The following FOXJ2 variants were observed in gnomAD, a reference collection of about 807,000 sequenced individuals.
FOXJ2 encodes forkhead box protein J2.
In FOXJ2, 18 loss-of-function variants were observed where a neutral mutation model predicts 68.4. That is an observed-to-expected ratio of 0.26 (90% CI 0.18 to 0.39). The LOEUF (loss-of-function observed/expected upper bound fraction) is 0.39, where lower values mean the gene tolerates loss of function less well. FOXJ2 is among the 10% of genes least tolerant of loss of function. The pLI, the probability that FOXJ2 is intolerant of heterozygous loss-of-function variation, is 1.00. For missense variants in FOXJ2, 670 were observed against 726.5 expected, an observed-to-expected ratio of 0.92 and a Z score of 0.89; for synonymous variants, 274 against 263.2, an observed-to-expected ratio of 1.04 and a Z score of -0.40.
intron 1 of FOXJ2, among the ~76,000 whole-genome samples, chr12:8,037,120 A>G (rs1272067026): frequency 6.6e-6 from 1 of 152,128 alleles, no homozygotes; most frequent in East Asian, 1.9e-4. Context: ...AACAAAAACA[A>G]AAAACACTTC....
chr12:8,048,873 G>A, intron 8 of FOXJ2, 75 bp downstream of exon 8: 1 of 1,234,048 alleles, frequency 8.1e-7, no homozygotes. Flanking sequence ...AACCGGAAGG[G>A]GGTGGTTAAA....
At position 8,043,664 on chromosome 12, in the gene FOXJ2, C is replaced by T. The variant is rs368536023; in HGVS notation, c.409-37C>T. The T allele has an allele frequency of 4.6e-5, 74 of 1,609,518 alleles. No individual in the cohort carries two copies. In the Admixed American group the frequency reaches 8.0e-4, roughly 17 times the overall value. On this transcript the variant is annotated intron_variant, in intron 3 of 10. Transcript: ENST00000162391. Reference sequence around the variant, plus strand: ...GAACCCTGGGAGGTTCTGAATGTAACAATTTTGTTTTCTGTGGGAATGGGA... The same window carrying T: ...GAACCCTGGGAGGTTCTGAATGTAATAATTTTGTTTTCTGTGGGAATGGGA...
rs753040233 is a variant in FOXJ2, at chr12:8,044,763, A to G, written c.622A>G (p.Thr208Ala). Residue 208 changes from threonine to alanine, a missense_variant, in exon 6 of 11, where the codon ACA becomes GCA. Coordinates refer to ENST00000162391, the MANE Select transcript of FOXJ2 (RefSeq NM_018416.3). ...AATTTCTTACCTGTTTTTGCAGGGC[A>G]CAGGATCTGTGGATGGTGGAGCAGT... ...PTSIASYSQG[T>A]GSVDGGAVAA... is the part of the protein sequence containing the mutation. 6.2e-7 allele frequency: 1 copy of G among 1,613,762 alleles called. No homozygotes were observed. The highest frequency in any genetic ancestry group is 1.1e-5 in the South Asian group (1 of 91,064).
At position 8,052,770 on chromosome 12, in the gene FOXJ2, A is replaced by G. The variant is rs1647823176; in HGVS notation, c.1645A>G (p.Met549Val). The G allele has an allele frequency of 1.2e-6, 2 of 1,609,084 alleles. No individual in the cohort carries two copies. The highest frequency in any genetic ancestry group is 1.7e-6 in the Non-Finnish European group (2 of 1,177,406). ...SAGYNRPAHH[M>V]VPRPSVPPPG... ...TTCTTTCTTTCTAACAGCACACCATATGGTCCCTCGGCCATCAGTGCCACC... is the reference window on the plus strand; with the variant it reads ...TTCTTTCTTTCTAACAGCACACCATGTGGTCCCTCGGCCATCAGTGCCACC... The change falls in exon 11 of 11, where the codon ATG becomes GTG. Residue 549 changes from methionine to valine, a missense_variant. Met to Val is a conservative substitution (Grantham distance 21, BLOSUM62 1). Transcript: ENST00000162391.
intron 6 of FOXJ2, 49 bp downstream of exon 6, chr12:8,045,007 A>T (rs1351610884): frequency 1.3e-6 from 2 of 1,529,396 alleles, no homozygotes; most frequent in Non-Finnish European, 1.8e-6. Flanking sequence ...TATCTTGTTG[A>T]ACAAGTGGGG....
At chr12:8,048,594 CTG>C in intron 7 of FOXJ2, 101 bp from the exon 8 acceptor site, 1 of 1,253,176 alleles carries the variant, frequency 8.0e-7, no homozygotes, top group Non-Finnish European at 1.1e-6. Context: ...AACTGCTAAT[CTG>C]TATAGATGCA....
At chr12:8,042,224 A>G (rs1161039789) in intron 2 of FOXJ2, among the ~76,000 whole-genome samples, 1 of 152,154 alleles carries the variant, frequency 6.6e-6, no homozygotes, top group Non-Finnish European at 1.5e-5. Flanking sequence ...TGAACATTCT[A>G]TGGGCTATTG....
chr12:8,036,032 T>G (rs1946890612), intron 1 of FOXJ2, among the ~76,000 whole-genome samples: 1 of 152,250 alleles, frequency 6.6e-6, no homozygotes, highest in Non-Finnish European at 1.5e-5. Flanking sequence ...TTTGCTAATT[T>G]TTAATTTCTA....
At chr12:8,050,484 C>G (rs371445116) in intron 9 of FOXJ2, 38 bp from the exon 10 acceptor site, 24 of 1,598,544 alleles carry the variant, frequency 1.5e-5, no homozygotes, top group Non-Finnish European at 2.0e-5. Flanking sequence ...AGTGACCCGC[C>G]CCCCCCAACT....
At chr12:8,041,712 G>A (rs1176863608) in intron 2 of FOXJ2, among the ~76,000 whole-genome samples, 5 of 151,684 alleles carry the variant, frequency 3.3e-5, no homozygotes, top group Admixed American at 3.3e-4. Flanking sequence ...GTCTCACTGT[G>A]TTGCCCAAGC....
chr12:8,049,596 G>C (rs766327852), intron 9 of FOXJ2, 25 bp downstream of exon 9: 1 of 1,534,496 alleles, frequency 6.5e-7, no homozygotes, highest in South Asian at 1.2e-5. Flanking sequence ...CAGTTGCCAT[G>C]GAGGTGGAGA....
intron 9 of FOXJ2, 41 bp downstream of exon 9, chr12:8,049,612 T>C (rs780721048): frequency 1.0e-5 from 15 of 1,503,850 alleles, no homozygotes; most frequent in African/African-American, 1.4e-5. Context: ...GGAGACTATG[T>C]TGAAAAGGAA....
At chr12:8,042,031 C>T (rs1946973137) in intron 2 of FOXJ2, among the ~76,000 whole-genome samples, 1 of 152,144 alleles carries the variant, frequency 6.6e-6, no homozygotes, top group African/African-American at 2.4e-5. Flanking sequence ...ACATGTGCTA[C>T]CACGCCTGGC....
chr12:8,041,908 G>A (rs897321511), intron 2 of FOXJ2, among the ~76,000 whole-genome samples: 1 of 146,834 alleles, frequency 6.8e-6, no homozygotes, highest in Non-Finnish European at 1.5e-5. Flanking sequence ...ACGGAGTTTC[G>A]CTCTTGTTCA....
rs1361779913 is a variant in FOXJ2 at position 8,042,606 on chromosome 12, A to G, written c.334-52A>G. 3 of 1,488,532 alleles carry G rather than the reference A, an allele frequency of 2.0e-6. No individual in the cohort carries two copies. The Admixed American group carries it at 5.0e-5, about 25-fold the overall frequency. 92.2% of individuals were successfully genotyped at this position (1,488,532 alleles called of 1,614,324 possible). On this transcript the variant is annotated intron_variant, in intron 2 of 10. Transcript: ENST00000162391. ...GTGTCCCTCTGTGTTCTATTGGAAA[A>G]TGTTCTGCTCTGCATAATGCTCAGG...
chr12:8,049,704 C>A, intron 9 of FOXJ2, 133 bp downstream of exon 9: 1 of 732,368 alleles, frequency 1.4e-6, no homozygotes, highest in Non-Finnish European at 2.2e-6. Flanking sequence ...ACTAGTTTAT[C>A]AGTTGACTGA....
intron 3 of FOXJ2, among the ~76,000 whole-genome samples, chr12:8,043,308 T>A (rs1946991340): frequency 6.6e-6 from 1 of 152,104 alleles, no homozygotes; most frequent in Non-Finnish European, 1.5e-5. Context: ...CTCCCCCTTT[T>A]TTGTGTGGCA....
chr12:8,050,482 G>A (rs772646696), intron 9 of FOXJ2, 40 bp from the exon 10 acceptor site: 61 of 1,592,278 alleles, frequency 3.8e-5, no homozygotes, highest in Non-Finnish European at 4.8e-5. Flanking sequence ...ACAGTGACCC[G>A]CCCCCCCCAA....
chr12:8,050,469 A>C, intron 9 of FOXJ2, 53 bp from the exon 10 acceptor site: 2 of 1,592,682 alleles, frequency 1.3e-6, no homozygotes, highest in African/African-American at 1.4e-5. Flanking sequence ...TGCTTTGTTG[A>C]GTACAGTGAC....
Sources: gnomAD v4.1 joint callset for allele counts (sites outside exome capture counted in the v4.1 genomes callset) on GRCh38, gnomAD v4.1.1 for gene constraint, MANE v1.5 for transcripts, NCBI Gene and HGNC (gene_info 2026-07-23, HGNC 2026-07-21) for gene names.